The following STRA6 variants were observed in gnomAD, a reference collection of about 807,000 sequenced individuals.
The protein encoded by STRA6 is receptor for retinol uptake STRA6.
In STRA6, 48 loss-of-function variants were observed where a neutral mutation model predicts 83.6. That is an observed-to-expected ratio of 0.57 (90% confidence interval 0.46 to 0.73). The LOEUF is 0.73. Among genes scored for constraint, STRA6 ranks in the 30% least tolerant of loss-of-function variants. STRA6 has a pLI of 0.00. For missense variants in STRA6, 760 were observed against 838.8 expected (o/e 0.91, Z 1.16); for synonymous variants, 353 against 362.3 (o/e 0.97, Z 0.29).
chr15:74,195,756 G>A lies in STRA6; in HGVS notation c.407-81C>T, dbSNP rs1056820260. 4 of 905,682 alleles carry A rather than the reference G, an allele frequency of 4.4e-6. No individual in the cohort carries two copies. The African/African-American group carries it at 6.6e-5, about 15-fold the overall frequency. 56.1% of individuals were successfully genotyped at this position (905,682 alleles called of 1,614,324 possible). ...ATATAATGCTTAGCATGGTGCCTGA[G>A]CAAATACTCAATTTAAGATACTACT... On this transcript the variant is annotated intron_variant, in intron 5 of 18. Coordinates refer to ENST00000395105, the MANE Select transcript of STRA6 (RefSeq NM_022369.4).
At chr15:74,194,417 C>G in intron 7 of STRA6, 1 of 1,048,378 alleles carries the variant, frequency 9.5e-7, no homozygotes, top group Non-Finnish European at 1.2e-6. Flanking sequence ...TTATTGAGAG[C>G]TTAGTATGTG....
At chr15:74,196,348 G>C in intron 4 of STRA6, 10 of 812,172 alleles carry the variant, frequency 1.2e-5, no homozygotes, top group Non-Finnish European at 1.9e-5. Flanking sequence ...GTGCCAAAGG[G>C]ACTTGGGACA....
At position 74,180,238 on chromosome 15, in the gene STRA6, G is replaced by C; in HGVS notation, c.1846C>G (p.Gln616Glu). 1 of 1,614,104 alleles carries C rather than the reference G, an allele frequency of 6.2e-7. No individual in the cohort carries two copies. ...ATGGAGTCCTTTGTCTGTAGCAGCTGCATCCCTGAGAGAGACGGACTTTCT... is the reference window on the plus strand; with the variant it reads ...ATGGAGTCCTTTGTCTGTAGCAGCTCCATCCCTGAGAGAGACGGACTTTCT... ...LRPGEEDEGMQLLQTKDSMAK... is the reference protein window; with the variant it reads ...LRPGEEDEGMELLQTKDSMAK... The change falls in exon 19 of 19, where the codon CAG becomes GAG. Residue 616 changes from glutamine to glutamate, a missense_variant. Coordinates refer to ENST00000395105, the MANE Select transcript of STRA6 (RefSeq NM_022369.4).
intron 7 of STRA6, chr15:74,194,932 C>A: frequency 7.0e-7 from 1 of 1,423,790 alleles, no homozygotes; most frequent in East Asian, 2.5e-5. Context: ...TCGCACTTGC[C>A]GGCCTCCATC....
chr15:74,206,657 G>A (rs2142108014), upstream of STRA6, among the ~76,000 whole-genome samples: 1 of 152,348 alleles, frequency 6.6e-6, no homozygotes, highest in Non-Finnish European at 1.5e-5. Context: ...GAAAGGAGGA[G>A]ATGGCTTGGG....
At chr15:74,181,535 C>A in intron 16 of STRA6, 77 bp from the exon 17 acceptor site, 1 of 1,563,348 alleles carries the variant, frequency 6.4e-7, no homozygotes, top group South Asian at 1.2e-5. Flanking sequence ...ACCTGGATGC[C>A]CAGAACTGCT....
intron 10 of STRA6, 90 bp from the exon 11 acceptor site, chr15:74,190,991 G>T: frequency 6.3e-7 from 1 of 1,594,200 alleles, no homozygotes; most frequent in East Asian, 2.3e-5. Context: ...AAAAGGGCCA[G>T]CAGGACCCTA....
upstream of STRA6, chr15:74,209,419 A>T (rs1158935080): frequency 1.3e-6 from 2 of 1,535,412 alleles, no homozygotes; most frequent in Non-Finnish European, 1.7e-6. Flanking sequence ...GCCAGAGGGG[A>T]ACCACCAGCT....
upstream of STRA6, chr15:74,207,644 G>T (rs2074289915): frequency 6.7e-7 from 1 of 1,484,582 alleles, no homozygotes; most frequent in Non-Finnish European, 9.1e-7. Flanking sequence ...TAGCACGGAA[G>T]AGAACACGCA....
At chr15:74,196,261 G>T in intron 4 of STRA6, 114 bp from the exon 5 acceptor site, 1 of 1,434,030 alleles carries the variant, frequency 7.0e-7, no homozygotes, top group Non-Finnish European at 9.5e-7. Context: ...CTTTCTAGAT[G>T]GGGGAATAAG....
intron 2 of STRA6, among the ~76,000 whole-genome samples, chr15:74,198,363 A>C (rs1165220697): frequency 6.6e-6 from 1 of 152,062 alleles, no homozygotes; most frequent in Non-Finnish European, 1.5e-5. Flanking sequence ...CTCATGCCTC[A>C]GCCTCCCAAA....
chr15:74,203,042 C>G, upstream of STRA6: 6 of 985,938 alleles, frequency 6.1e-6, no homozygotes, highest in South Asian at 1.9e-4. Context: ...AAGCCCCTGC[C>G]CGCCACATCT....
rs141592072 is a variant in STRA6 at position 74,197,533 on chromosome 15, A to G, written c.181-110T>C. 24 of 1,122,270 alleles carry G rather than the reference A, an allele frequency of 2.1e-5. No homozygotes were observed. The African/African-American group carries it at 3.6e-4, about 17-fold the overall frequency. 69.5% of individuals were successfully genotyped at this position (1,122,270 alleles called of 1,614,324 possible). ...GATATCCCCTACCTGCCCAGTGCACACTCATGTGACATCTTGGGGACTGGT... is the reference window on the plus strand; with the variant it reads ...GATATCCCCTACCTGCCCAGTGCACGCTCATGTGACATCTTGGGGACTGGT... On this transcript the variant is annotated intron_variant, in intron 3 of 18. Transcript: ENST00000395105.
chr15:74,194,034 C>T, intron 7 of STRA6, 112 bp from the exon 8 acceptor site: 1 of 1,530,146 alleles, frequency 6.5e-7, no homozygotes, highest in South Asian at 1.1e-5. Flanking sequence ...GTCTGGGGGG[C>T]CATGGGAAGG....
upstream of STRA6, among the ~76,000 whole-genome samples, chr15:74,209,858 G>T (rs1034749605): frequency 6.6e-6 from 1 of 152,222 alleles, no homozygotes; most frequent in Non-Finnish European, 1.5e-5. Context: ...GGGCCAAGAA[G>T]CGGGGCCCTA....
In STRA6 at chr15:74,189,152, C is replaced by A. The variant is rs753723974; in HGVS notation, c.1053G>T (p.Val351=). Residue 351 remains valine (V), a synonymous_variant, in exon 12 of 19, where the codon GTG becomes GTT. Transcript: ENST00000395105. The part of the protein sequence containing the change: ...GIVLSEDKQE[V]VELVKHHLWA... ...ACAGATGGTGCTTCACCAGCTCCAC[C>A]ACCTCCTGCTTGTCCTCGGAGAGCA... The A allele has an allele frequency of 3.1e-6, 5 of 1,614,150 alleles. No individual in the cohort carries two copies. Among genetic ancestry groups the A allele is most frequent in the Admixed American group, 3.3e-5 (2 of 60,028 alleles).
At chr15:74,202,494 G>C (rs1419984020) in intron 1 of STRA6, 26 of 1,532,156 alleles carry the variant, frequency 1.7e-5, no homozygotes. Context: ...AGGGCCTCTC[G>C]TGTCCCCTCC....
At chr15:74,209,476 T>G, upstream of STRA6, 1 of 1,531,604 alleles carries the variant, frequency 6.5e-7, no homozygotes, top group Non-Finnish European at 8.7e-7. Flanking sequence ...CCAGCTGGGC[T>G]GAGGGCCCTG....
At chr15:74,210,266 G>A (rs1026039190), upstream of STRA6, among the ~76,000 whole-genome samples, 1 of 152,180 alleles carries the variant, frequency 6.6e-6, no homozygotes, top group Non-Finnish European at 1.5e-5. Context: ...GTTTGTAATG[G>A]CAAAAATAAT....
Sources: allele counts gnomAD v4.1 joint callset (sites outside exome capture counted in the v4.1 genomes callset), GRCh38; gene constraint gnomAD v4.1.1; transcripts MANE v1.5; gene names NCBI Gene and HGNC (gene_info 2026-07-23, HGNC 2026-07-21).